Variants in SH3RF3 observed in about 807,000 individuals in gnomAD.
The protein encoded by SH3RF3 is SH3 domain containing ring finger 3.
Under a neutral mutation model 66.3 loss-of-function variants are expected in SH3RF3, and 29 were observed. The observed-to-expected ratio is 0.44, with a 90% CI of 0.33 to 0.60. The LOEUF (loss-of-function observed/expected upper bound fraction) is 0.60. Ranked by LOEUF, SH3RF3 falls within the 20% of genes least tolerant of loss-of-function variation. SH3RF3 has a pLI of 0.04. For missense variants in SH3RF3, 1,194 were observed against 1,190.9 expected, an observed-to-expected ratio of 1.00 and a Z score of -0.04; for synonymous variants, 583 against 532.0, an observed-to-expected ratio of 1.10 and a Z score of -1.32.
intron 8 of SH3RF3, among the ~76,000 whole-genome samples, chr2:109,458,966 A>G (rs1678141003): frequency 6.6e-6 from 1 of 152,176 alleles, no homozygotes; most frequent in African/African-American, 2.4e-5. Context: ...TGTCAGCTTG[A>G]CATCTCCCTA....
chr2:109,137,461 G>C (rs2104817796), intron 1 of SH3RF3, among the ~76,000 whole-genome samples: 1 of 152,342 alleles, frequency 6.6e-6, no homozygotes, highest in Middle Eastern at 3.4e-3. Context: ...CACATGCTCA[G>C]GAGATAAGAG....
intron 4 of SH3RF3, among the ~76,000 whole-genome samples, chr2:109,416,884 G>A (rs1238290636): frequency 1.4e-5 from 2 of 145,312 alleles, no homozygotes; most frequent in Non-Finnish European, 3.0e-5. Flanking sequence ...CAGCCTGGGC[G>A]ACAGAGTGAG....
chr2:109,192,586 G>A (rs936111568), intron 1 of SH3RF3, among the ~76,000 whole-genome samples: 3 of 152,176 alleles, frequency 2.0e-5, no homozygotes, highest in Non-Finnish European at 4.4e-5. Context: ...TCTTGAAACG[G>A]CATGGAATAG....
chr2:109,150,585 A>G (rs1001332885), intron 1 of SH3RF3, among the ~76,000 whole-genome samples: 5 of 152,182 alleles, frequency 3.3e-5, no homozygotes, highest in Non-Finnish European at 7.4e-5. Flanking sequence ...CAGACGGGGA[A>G]AGTGAGGCCC....
At chr2:109,494,878 T>C (rs2104396399) in intron 9 of SH3RF3, among the ~76,000 whole-genome samples, 1 of 152,174 alleles carries the variant, frequency 6.6e-6, no homozygotes, top group Admixed American at 6.5e-5. Flanking sequence ...TCCTCTCCAC[T>C]CTCAGAGGAA....
rs143117221 is a variant in SH3RF3, at chr2:109,237,337, G to A, written c.573+107224G>A. Among the ~76,000 whole-genome samples, 1,342 of 152,090 alleles carry A rather than the reference G, an allele frequency of 8.8e-3. 7 individuals are homozygous for A. The highest frequency in any genetic ancestry group is 0.014 in the Non-Finnish European group (976 of 67,988). ...ATGTTTGATCTTGGTAATCAAAGAGGTACACATTGAAAAAAAATGTTGTTT... is the reference window on the plus strand; with the variant it reads ...ATGTTTGATCTTGGTAATCAAAGAGATACACATTGAAAAAAAATGTTGTTT... On this transcript the variant is annotated intron_variant, in intron 1 of 9. Transcript: ENST00000309415.
intron 5 of SH3RF3, among the ~76,000 whole-genome samples, chr2:109,430,363 C>T (rs1677159596): frequency 6.6e-6 from 1 of 152,208 alleles, no homozygotes; most frequent in Non-Finnish European, 1.5e-5. Context: ...ATTCACAAGC[C>T]TTCCACGGAT....
intron 7 of SH3RF3, among the ~76,000 whole-genome samples, chr2:109,445,167 G>T (rs1035142105): frequency 2.0e-5 from 3 of 152,072 alleles, no homozygotes; most frequent in Non-Finnish European, 2.9e-5. Context: ...AAATGTGAAA[G>T]AGATGTATAA....
At chr2:109,407,167 C>T (rs933014018) in intron 4 of SH3RF3, among the ~76,000 whole-genome samples, 1 of 144,314 alleles carries the variant, frequency 6.9e-6, no homozygotes, top group African/African-American at 2.4e-5. Flanking sequence ...CCAGCCAGGA[C>T]CAGCACCTTC....
At chr2:109,250,202 T>C (rs980614475) in intron 1 of SH3RF3, among the ~76,000 whole-genome samples, 3 of 152,052 alleles carry the variant, frequency 2.0e-5, no homozygotes, top group African/African-American at 7.2e-5. Flanking sequence ...GGTTTTGATA[T>C]AATTCAGGAA....
At chr2:109,304,652 T>G (rs1046968203) in intron 1 of SH3RF3, among the ~76,000 whole-genome samples, 1 of 152,218 alleles carries the variant, frequency 6.6e-6, no homozygotes, top group Admixed American at 6.5e-5. Flanking sequence ...TGAATTAAAA[T>G]TAGATAAAAT....
At chr2:109,378,043 G>T (rs1041884414) in intron 3 of SH3RF3, among the ~76,000 whole-genome samples, 4 of 152,268 alleles carry the variant, frequency 2.6e-5, no homozygotes, top group Admixed American at 6.5e-5. Flanking sequence ...TGGTCTTGTG[G>T]GTTTTCGGCC....
chr2:109,192,157 G>A (rs760418804), intron 1 of SH3RF3, among the ~76,000 whole-genome samples: 24 of 152,094 alleles, frequency 1.6e-4, no homozygotes, highest in Non-Finnish European at 2.4e-4. Context: ...CTTTGAGAGC[G>A]GTTCGGTTCT....
intron 1 of SH3RF3, among the ~76,000 whole-genome samples, chr2:109,229,034 CCAT>C (rs1679437439): frequency 6.6e-6 from 1 of 152,128 alleles, no homozygotes; most frequent in Admixed American, 6.5e-5. Flanking sequence ...AAAAAGGTTT[CCAT>C]CACCCAGCAA....
intron 1 of SH3RF3, among the ~76,000 whole-genome samples, chr2:109,236,213 A>G (rs1679645639): frequency 1.3e-5 from 2 of 152,196 alleles, no homozygotes; most frequent in African/African-American, 4.8e-5. Context: ...CTGCCTCCCA[A>G]TTACAATGTA....
At chr2:109,314,005 A>G (rs1226418564) in intron 1 of SH3RF3, among the ~76,000 whole-genome samples, 8 of 152,166 alleles carry the variant, frequency 5.3e-5, no homozygotes, top group Admixed American at 5.2e-4. Flanking sequence ...GACAAGAAGG[A>G]GTACCAGGCT....
intron 1 of SH3RF3, among the ~76,000 whole-genome samples, chr2:109,303,470 T>C (rs1681519589): frequency 6.6e-6 from 1 of 152,198 alleles, no homozygotes; most frequent in Non-Finnish European, 1.5e-5. Flanking sequence ...ACTAAGAAGA[T>C]GAAACTTTTT....
At chr2:109,282,755 A>C (rs1161555282) in intron 1 of SH3RF3, among the ~76,000 whole-genome samples, 1 of 152,184 alleles carries the variant, frequency 6.6e-6, no homozygotes, top group Non-Finnish European at 1.5e-5. Context: ...CAGAACGGCC[A>C]AAGGAGAAAG....
At chr2:109,413,553 T>C (rs1414510320) in intron 4 of SH3RF3, among the ~76,000 whole-genome samples, 1 of 152,254 alleles carries the variant, frequency 6.6e-6, no homozygotes, top group African/African-American at 2.4e-5. Context: ...TGTGTCTTCC[T>C]GTCTGTCTCT....
Sources: gnomAD v4.1 joint callset for allele counts (sites outside exome capture counted in the v4.1 genomes callset) on GRCh38, gnomAD v4.1.1 for gene constraint, MANE v1.5 for transcripts, NCBI Gene and HGNC (gene_info 2026-07-23, HGNC 2026-07-21) for gene names.